Variants in KIFAP3 observed in about 807,000 individuals in gnomAD.
KIFAP3 encodes kinesin-associated protein 3.
Under a neutral mutation model 106.5 loss-of-function variants are expected in KIFAP3, and 68 were observed. The observed-to-expected ratio is 0.64, with a 90% CI of 0.53 to 0.78. The LOEUF (loss-of-function observed/expected upper bound fraction) is 0.78. Ranked by LOEUF, KIFAP3 falls within the 30% of genes least tolerant of loss-of-function variation. The pLI, the probability that KIFAP3 is intolerant of heterozygous loss-of-function variation, is 0.00. For synonymous variants in KIFAP3, 320 were observed against 311.5 expected (o/e 1.03, Z -0.29); for missense variants, 780 against 941.8 (o/e 0.83, Z 2.25).
chr1:170,034,551 G>A, intron 6 of KIFAP3, 55 bp from the exon 7 acceptor site: 1 of 1,039,780 alleles, frequency 9.6e-7, no homozygotes, highest in Non-Finnish European at 1.4e-6. Flanking sequence ...ATGGGTACAG[G>A]AAATTTGTTT....
intron 8 of KIFAP3, among the ~76,000 whole-genome samples, chr1:170,031,118 T>C (rs1669384871): frequency 1.3e-5 from 2 of 151,812 alleles, no homozygotes; most frequent in South Asian, 4.1e-4. Context: ...TTTTGGATTA[T>C]ATGCTAACAC....
In KIFAP3 at chr1:169,973,532, T is replaced by TA. The variant is rs762446839; in HGVS notation, c.1898-935dup. On this transcript the variant is annotated intron_variant, in intron 16 of 19. Transcript: ENST00000361580. ...AATTCTAGTAAAAAAAACTTGATAT[T>TA]AAAAAAAAAAAAAGAATACTTCTTT... Among the ~76,000 whole-genome samples the TA allele has an allele frequency of 7.4e-3, 1,039 of 140,028 alleles. 7 individuals carry two copies. The highest frequency in any genetic ancestry group is 0.012 in the Non-Finnish European group (741 of 63,550). 91.9% of individuals were successfully genotyped at this position (140,028 alleles called of 152,430 possible).
At chr1:170,040,047 T>A (rs1669893237) in intron 3 of KIFAP3, among the ~76,000 whole-genome samples, 2 of 152,080 alleles carry the variant, frequency 1.3e-5, no homozygotes, top group South Asian at 4.1e-4. Context: ...ATTCCACAAT[T>A]AGCAAATAAA....
intron 18 of KIFAP3, among the ~76,000 whole-genome samples, chr1:169,958,504 T>G (rs1318227903): frequency 1.3e-5 from 2 of 152,150 alleles, no homozygotes; most frequent in South Asian, 4.1e-4. Context: ...GTGTAGAGTA[T>G]GAGAAAAAGA....
chr1:170,080,304 G>A (rs1192721025), intron 1 of KIFAP3, among the ~76,000 whole-genome samples: 1 of 151,980 alleles, frequency 6.6e-6, no homozygotes, highest in Non-Finnish European at 1.5e-5. Flanking sequence ...CATGTCTATA[G>A]ATTGAATGAT....
intron 8 of KIFAP3, among the ~76,000 whole-genome samples, chr1:170,031,682 A>T (rs951618328): frequency 1.1e-4 from 16 of 151,780 alleles, no homozygotes; most frequent in African/African-American, 3.9e-4. Context: ...GTATACAAAC[A>T]TTTAGGAACT....
At chr1:170,072,811 T>C (rs6427233) in intron 1 of KIFAP3, among the ~76,000 whole-genome samples, 27,776 of 152,188 alleles carry the variant, frequency 0.18, 2,580 homozygotes, top group Admixed American at 0.23. Flanking sequence ...TCCTGTATGC[T>C]TCTAGTCTGA....
At chr1:169,935,289 C>A (rs1361691046) in intron 19 of KIFAP3, among the ~76,000 whole-genome samples, 3 of 151,696 alleles carry the variant, frequency 2.0e-5, no homozygotes, top group Admixed American at 2.0e-4. Flanking sequence ...ATTTACTTGC[C>A]TAACTATGTT....
chr1:170,042,609 G>A (rs747283753), intron 3 of KIFAP3, among the ~76,000 whole-genome samples: 19 of 152,178 alleles, frequency 1.2e-4, no homozygotes, highest in Non-Finnish European at 4.4e-5. Flanking sequence ...ATAAAGGGGA[G>A]GTACTAACTG....
At chr1:169,972,366 G>A in intron 17 of KIFAP3, 147 bp downstream of exon 17, 1 of 535,338 alleles carries the variant, frequency 1.9e-6, no homozygotes. Context: ...TGTTTAAAAA[G>A]TAAATTTAGT....
intron 1 of KIFAP3, among the ~76,000 whole-genome samples, chr1:170,062,204 T>A (rs542683884): frequency 8.1e-6 from 1 of 123,874 alleles, no homozygotes; most frequent in Non-Finnish European, 1.7e-5. Flanking sequence ...AAAACCACAA[T>A]GAGATACCAT....
intron 8 of KIFAP3, among the ~76,000 whole-genome samples, chr1:170,026,572 C>T (rs991690160): frequency 1.3e-5 from 2 of 152,124 alleles, no homozygotes; most frequent in Admixed American, 6.6e-5. Flanking sequence ...AATCCAGAGA[C>T]GCCAAAGAGT....
At chr1:170,034,268 T>A in intron 7 of KIFAP3, 104 bp downstream of exon 7, 1 of 1,029,736 alleles carries the variant, frequency 9.7e-7, no homozygotes, top group Non-Finnish European at 1.4e-6. Context: ...CCAAGTAATG[T>A]AATTAACAAT....
intron 17 of KIFAP3, among the ~76,000 whole-genome samples, chr1:169,965,046 ATAATG>A (rs1416126645): frequency 2.6e-5 from 4 of 152,166 alleles, no homozygotes; most frequent in African/African-American, 7.2e-5. Context: ...AAGCAAAATG[ATAATG>A]TGGACAAATT....
At chr1:170,046,636 T>A in intron 3 of KIFAP3, 76 bp downstream of exon 3, 1 of 1,212,150 alleles carries the variant, frequency 8.2e-7, no homozygotes, top group Non-Finnish European at 1.1e-6. Context: ...GATAAACTTT[T>A]TTTTATAGTT....
chr1:170,025,000 A>G (rs1184218179), intron 8 of KIFAP3, among the ~76,000 whole-genome samples: 1 of 152,148 alleles, frequency 6.6e-6, no homozygotes. Context: ...AACATATCAT[A>G]AAACTTTAAT....
chr1:170,062,694 T>A (rs1671245060), intron 1 of KIFAP3, among the ~76,000 whole-genome samples: 3 of 152,162 alleles, frequency 2.0e-5, no homozygotes, highest in African/African-American at 2.4e-5. Flanking sequence ...ACACTTTTTT[T>A]TTGGTAGAAG....
Position 169,989,977 on chromosome 1 carries a change from AG to A in KIFAP3, c.1284+2177del. The A allele has an allele frequency of 5.7e-6, 8 of 1,399,808 alleles. No homozygotes were observed. In the South Asian group the frequency reaches 8.1e-5, roughly 14 times the overall value. 86.7% of individuals were successfully genotyped at this position (1,399,808 alleles called of 1,614,324 possible). A position where few individuals can be genotyped will look rare whatever the true frequency, so the allele number is the denominator to read the frequency against. On this transcript the variant is annotated intron_variant, in intron 11 of 19. Transcript: ENST00000361580. ...AAGGAATTATGTAGTAGGAGTCAAGAGGAATTACCTTCATAAGTACGATTTG... is the reference window on the plus strand; with the variant it reads ...AAGGAATTATGTAGTAGGAGTCAAGAGAATTACCTTCATAAGTACGATTTG...
rs781332562 is a variant in KIFAP3, at chr1:169,953,966, A to C, written c.2273+45T>G. On this transcript the variant is annotated intron_variant, in intron 19 of 19. Transcript: ENST00000361580. ...GTGAAGAGGATTTTAGCTTTCCAAA[A>C]GCAACAGATACTACACATTAGATTT... 4 of 1,347,888 alleles carry C rather than the reference A, an allele frequency of 3.0e-6. No individual in the cohort carries two copies. The Admixed American group carries it at 6.7e-5, about 23-fold the overall frequency. 83.5% of individuals were successfully genotyped at this position (1,347,888 alleles called of 1,614,324 possible). A position where few individuals can be genotyped will look rare whatever the true frequency, so the allele number is the denominator to read the frequency against.
Sources: allele counts gnomAD v4.1 joint callset (sites outside exome capture counted in the v4.1 genomes callset), GRCh38; gene constraint gnomAD v4.1.1; transcripts MANE v1.5; gene names NCBI Gene and HGNC (gene_info 2026-07-23, HGNC 2026-07-21).